The following HECW1 variants were observed in gnomAD, a reference collection of about 807,000 sequenced individuals.
HECW1 encodes E3 ubiquitin-protein ligase HECW1.
A neutral mutation model predicts 182.3 loss-of-function variants in HECW1; 61 were observed. The ratio of observed to expected loss-of-function variants is 0.33; its 90% CI spans 0.27 to 0.41. The LOEUF is 0.41. HECW1 is among the 10% of genes least tolerant of loss of function. The pLI is 1.00. For synonymous variants in HECW1, 859 were observed against 832.6 expected, an observed-to-expected ratio of 1.03 and a Z score of -0.55; for missense variants, 1,739 against 2,108.9, an observed-to-expected ratio of 0.82 and a Z score of 3.44.
rs916275454 is a variant in HECW1, at chr7:43,563,311, A to G, written c.*1385A>G. On this transcript the variant is annotated 3_prime_UTR_variant, in exon 30 of 30. Transcript: ENST00000395891. ...CCAAAGACAGCCTAACCTCTCAACT[A>G]CATTTGAAATAAACCCAACCATAAT... The G allele has an allele frequency of 1.4e-5, 3 of 211,108 alleles. No individual in the cohort carries two copies. The highest frequency in any genetic ancestry group is 2.3e-5 in the African/African-American group (1 of 44,084). The allele number at this position is 211,108 out of a possible 1,614,324, so 13.1% of individuals were successfully genotyped here. A position where few individuals can be genotyped will look rare whatever the true frequency, so the allele number is the denominator to read the frequency against.
intron 2 of HECW1, chr7:43,118,050 G>T: frequency 6.5e-6 from 1 of 152,838 alleles, no homozygotes. Flanking sequence ...ACTTAAGCCG[G>T]TACCAGGGGG....
At chr7:43,456,517 C>T in intron 13 of HECW1, 70 bp downstream of exon 13, 1 of 1,481,438 alleles carries the variant, frequency 6.8e-7, no homozygotes, top group Non-Finnish European at 9.2e-7. Flanking sequence ...GAGACGCTCC[C>T]CTTACACTTT....
chr7:43,538,973 T>C (rs908554420), intron 24 of HECW1, among the ~76,000 whole-genome samples: 11 of 152,252 alleles, frequency 7.2e-5, no homozygotes, highest in Admixed American at 2.6e-4. Flanking sequence ...CTACAAAGAT[T>C]TTTTTTTCTC....
intron 3 of HECW1, among the ~76,000 whole-genome samples, chr7:43,266,600 C>T (rs1801831499): frequency 1.3e-5 from 2 of 152,206 alleles, no homozygotes; most frequent in Admixed American, 1.3e-4. Context: ...TCCCAAAGTG[C>T]TGGGATTACA....
chr7:43,286,101 G>A (rs1804605667), intron 3 of HECW1, among the ~76,000 whole-genome samples: 1 of 152,182 alleles, frequency 6.6e-6, no homozygotes, highest in South Asian at 2.1e-4. Flanking sequence ...CAGAGGGTAA[G>A]TACATTATTG....
chr7:43,312,143 C>T, intron 4 of HECW1, 56 bp downstream of exon 4: 2 of 1,413,072 alleles, frequency 1.4e-6, no homozygotes, highest in Non-Finnish European at 2.0e-6. Context: ...TATGCTGTCA[C>T]ATTTTAATAA....
chr7:43,474,425 A>G (rs778441224), intron 16 of HECW1, among the ~76,000 whole-genome samples: 28 of 152,128 alleles, frequency 1.8e-4, no homozygotes, highest in South Asian at 4.1e-4. Flanking sequence ...CTCCAGCCTG[A>G]GCGACAGAGC....
Position 43,474,809 on chromosome 7 carries a change from G to T in HECW1, c.3100-4801G>T, listed in dbSNP as rs535254523. On this transcript the variant is annotated intron_variant, in intron 16 of 29. Coordinates refer to ENST00000395891, the MANE Select transcript of HECW1 (RefSeq NM_015052.5). ...GCAATGAAATGTTTGTCCTTACAAA[G>T]AAATGAAATTCTGACACATGCTACA... 1.5e-4 allele frequency among the ~76,000 whole-genome samples: 23 copies of T among 152,264 alleles called. No homozygotes were observed. In the South Asian group the frequency reaches 4.8e-3, roughly 32 times the overall value.
intron 2 of HECW1, among the ~76,000 whole-genome samples, chr7:43,185,544 C>T (rs1293892540): frequency 2.0e-5 from 3 of 152,060 alleles, no homozygotes; most frequent in African/African-American, 7.2e-5. Flanking sequence ...CGGAGGACAC[C>T]CAGCTAGTGT....
At position 43,455,858 on chromosome 7, in the gene HECW1, G is replaced by A. The variant is rs149831540; in HGVS notation, c.2501-439G>A. Among the ~76,000 whole-genome samples, 8 of 152,066 alleles carry A rather than the reference G, an allele frequency of 5.3e-5. No homozygotes were observed. In the East Asian group the frequency reaches 5.8e-4, roughly 11 times the overall value. ...CTACTAAAAAATACCAAAATTAGCC[G>A]GACCTGGTGGCAGGCACCTGTAATC... On this transcript the variant is annotated intron_variant, in intron 12 of 29. Transcript: ENST00000395891.
intron 2 of HECW1, among the ~76,000 whole-genome samples, chr7:43,225,233 C>T (rs535358670): frequency 2.0e-4 from 31 of 152,022 alleles, no homozygotes; most frequent in Non-Finnish European, 4.4e-4. Context: ...TTACAACCAT[C>T]GAGTTAAAAA....
At chr7:43,516,851 G>A (rs1050007104) in intron 24 of HECW1, among the ~76,000 whole-genome samples, 5 of 152,176 alleles carry the variant, frequency 3.3e-5, no homozygotes, top group African/African-American at 1.2e-4. Context: ...TGCACAACAT[G>A]TTACTGTACT....
chr7:43,343,231 G>A (rs185754751), intron 5 of HECW1, among the ~76,000 whole-genome samples: 1 of 150,610 alleles, frequency 6.6e-6, no homozygotes, highest in East Asian at 1.9e-4. Flanking sequence ...AGATATTCAC[G>A]GTGCTGGCAA....
intron 3 of HECW1, among the ~76,000 whole-genome samples, chr7:43,249,878 T>G (rs1298596587): frequency 2.0e-5 from 3 of 152,172 alleles, no homozygotes; most frequent in Non-Finnish European, 4.4e-5. Context: ...CATGCCTGTT[T>G]GCACTGTGCA....
Position 43,195,998 on chromosome 7 carries a change from G to A in HECW1, c.-31-47877G>A, listed in dbSNP as rs141371291. Among the ~76,000 whole-genome samples, 1,387 of 152,290 alleles carry A rather than the reference G, an allele frequency of 9.1e-3. 13 individuals carry two copies. The highest frequency in any genetic ancestry group is 0.015 in the Non-Finnish European group (1,005 of 68,028). On this transcript the variant is annotated intron_variant, in intron 2 of 29. Coordinates refer to ENST00000395891, the MANE Select transcript of HECW1 (RefSeq NM_015052.5). ...AAACCCAGGCCAAATCCAGCACCAC[G>A]TTGGGTCCAGTCGGTCTTAGCCAGC...
intron 8 of HECW1, among the ~76,000 whole-genome samples, chr7:43,437,647 T>C (rs575469954): frequency 1.1e-4 from 17 of 152,228 alleles, no homozygotes; most frequent in Non-Finnish European, 1.6e-4. Context: ...TATTGCATTG[T>C]TTATTTAAAG....
intron 3 of HECW1, among the ~76,000 whole-genome samples, chr7:43,271,567 T>C (rs1318690081): frequency 6.6e-6 from 1 of 152,118 alleles, no homozygotes; most frequent in Non-Finnish European, 1.5e-5. Context: ...ATGTTCAAAC[T>C]GAGAGCCAAA....
chr7:43,550,552 G>A lies in HECW1; in HGVS notation c.4356G>A (p.Val1452=). The change falls in exon 27 of 30, where the codon GTG becomes GTA. Residue 1452 remains valine (V), a synonymous_variant. Transcript: ENST00000395891. Reference sequence around the variant, plus strand: ...TGAAGTGGCGGGTGGAGCGCGGCGTGGTACAGCAGACCGAGGCGCTGGTGC... The same window carrying A: ...TGAAGTGGCGGGTGGAGCGCGGCGTAGTACAGCAGACCGAGGCGCTGGTGC... ...RMVKWRVERG[V]VQQTEALVRG... is the part of the protein sequence containing the mutation. 1 of 1,610,668 alleles carries A rather than the reference G, an allele frequency of 6.2e-7. No homozygotes were observed. The highest frequency in any genetic ancestry group is 2.2e-5 in the East Asian group (1 of 44,812).
At chr7:43,280,672 C>T (rs959210346) in intron 3 of HECW1, among the ~76,000 whole-genome samples, 2 of 152,184 alleles carry the variant, frequency 1.3e-5, no homozygotes, top group Non-Finnish European at 2.9e-5. Flanking sequence ...GCCAGCACCC[C>T]GTTTCTGTGA....
Sources: gnomAD v4.1 joint callset for allele counts (sites outside exome capture counted in the v4.1 genomes callset) on GRCh38, gnomAD v4.1.1 for gene constraint, MANE v1.5 for transcripts, NCBI Gene and HGNC (gene_info 2026-07-23, HGNC 2026-07-21) for gene names.